The following CCDC7 variants were observed in gnomAD, a reference collection of about 807,000 sequenced individuals.
CCDC7 encodes coiled-coil domain-containing protein 7.
A neutral mutation model predicts 196.9 loss-of-function variants in CCDC7; 183 were observed. That is an observed-to-expected ratio of 0.93 (90% CI 0.82 to 1.05). CCDC7 has a LOEUF of 1.05. Ranked by LOEUF, CCDC7 falls within the 50% of genes least tolerant of loss-of-function variation. CCDC7 has a pLI of 0.00. For synonymous variants in CCDC7, 525 were observed against 484.6 expected (o/e 1.08, Z -1.10); for missense variants, 1,540 against 1,482.2 (o/e 1.04, Z -0.64).
intron 31 of CCDC7, among the ~76,000 whole-genome samples, chr10:32,815,015 T>C (rs911727657): frequency 6.6e-6 from 1 of 151,970 alleles, no homozygotes; most frequent in African/African-American, 2.4e-5. Flanking sequence ...AAAGAGACTT[T>C]AGGAAAATAC....
At chr10:32,464,354 T>C (rs1345271460) in intron 5 of CCDC7, among the ~76,000 whole-genome samples, 1 of 152,210 alleles carries the variant, frequency 6.6e-6, no homozygotes, top group Admixed American at 6.5e-5. Context: ...CAATTCCTGC[T>C]ACCTAACACA....
intron 30 of CCDC7, among the ~76,000 whole-genome samples, chr10:32,813,514 G>A (rs1282301588): frequency 2.6e-5 from 4 of 152,040 alleles, no homozygotes; most frequent in Admixed American, 6.6e-5. Context: ...ATTACATAAC[G>A]TAAAAAGGGG....
At chr10:32,656,529 C>G (rs2069908843) in intron 20 of CCDC7, among the ~76,000 whole-genome samples, 1 of 152,176 alleles carries the variant, frequency 6.6e-6, no homozygotes, top group South Asian at 2.1e-4. Context: ...AAGTGCCAAT[C>G]AAAGGGGGAA....
At chr10:32,828,515 A>AGAAGAGGAAGAGGAAGAGGAAGAG (rs2091691288) in intron 32 of CCDC7, among the ~76,000 whole-genome samples, 1 of 146,016 alleles carries the variant, frequency 6.8e-6, no homozygotes, top group African/African-American at 2.5e-5. Flanking sequence ...AAGAAGAAGA[A>AGAAGAGGAAGAGGAAGAGGAAGAG]GAAGAAGAAG....
rs568762571 is a variant in CCDC7, at chr10:32,759,877, T to A, written c.2906-19100T>A. 2.8e-3 allele frequency among the ~76,000 whole-genome samples: 426 copies of A among 151,934 alleles called. 3 individuals carry two copies. Among genetic ancestry groups the A allele is most frequent in the Admixed American group, 9.6e-3 (147 of 15,264 alleles). On this transcript the variant is annotated intron_variant, in intron 28 of 41. Transcript: ENST00000639629. Reference sequence around the variant, plus strand: ...AAGGGCTAATATCCAGAATCTACAATGAACTCAAACAAATTTGCAAGAAAA... The same window carrying A: ...AAGGGCTAATATCCAGAATCTACAAAGAACTCAAACAAATTTGCAAGAAAA...
intron 20 of CCDC7, among the ~76,000 whole-genome samples, chr10:32,635,720 G>A (rs1374219399): frequency 6.6e-6 from 1 of 150,918 alleles, no homozygotes; most frequent in Non-Finnish European, 1.5e-5. Flanking sequence ...ATTGGTATTT[G>A]CATGATACAT....
At chr10:32,656,762 C>A (rs1437363771) in intron 20 of CCDC7, among the ~76,000 whole-genome samples, 1 of 152,170 alleles carries the variant, frequency 6.6e-6, no homozygotes, top group Admixed American at 6.5e-5. Flanking sequence ...AAAACACAAT[C>A]ATGCCCTTCC....
intron 41 of CCDC7, among the ~76,000 whole-genome samples, chr10:32,871,827 CA>C (rs146638545): frequency 0.34 from 51,643 of 151,380 alleles, 10,993 homozygotes; most frequent in Non-Finnish European, 0.49. Flanking sequence ...TTTCAAAGAA[CA>C]TCTTTATTTC....
At chr10:32,868,386 T>A (rs2094289611) in intron 41 of CCDC7, among the ~76,000 whole-genome samples, 1 of 151,966 alleles carries the variant, frequency 6.6e-6, no homozygotes, top group East Asian at 1.9e-4. Flanking sequence ...CTCATCTGTT[T>A]CTTTAGTTTT....
intron 4 of CCDC7, 44 bp from the exon 6 acceptor site, chr10:32,462,973 G>A (rs2505380): frequency 0.99 from 1,588,052 of 1,611,630 alleles, 784,907 homozygotes; most frequent in East Asian, 1. Flanking sequence ...TGCAATTTAA[G>A]TAGTCACTAT....
chr10:32,783,141 C>T (rs1204205934), intron 29 of CCDC7, among the ~76,000 whole-genome samples: 1 of 151,704 alleles, frequency 6.6e-6, no homozygotes, highest in East Asian at 1.9e-4. Context: ...GCACAGACAA[C>T]AAAAGAAAAA....
chr10:32,484,372 C>A (rs2040577860), intron 8 of CCDC7, among the ~76,000 whole-genome samples: 1 of 152,170 alleles, frequency 6.6e-6, no homozygotes, highest in African/African-American at 2.4e-5. Context: ...GCTGAAGTTG[C>A]TCATCAGCTT....
intron 8 of CCDC7, among the ~76,000 whole-genome samples, chr10:32,485,089 G>A (rs572152021): frequency 8.5e-5 from 13 of 152,326 alleles, no homozygotes; most frequent in Non-Finnish European, 1.9e-4. Flanking sequence ...GCTCCTCCTT[G>A]TACCTCTGGT....
At chr10:32,540,675 G>A (rs990099621) in intron 11 of CCDC7, among the ~76,000 whole-genome samples, 1 of 152,150 alleles carries the variant, frequency 6.6e-6, no homozygotes, top group Non-Finnish European at 1.5e-5. Context: ...TAGGAATGCT[G>A]AATATAGGCT....
intron 18 of CCDC7, among the ~76,000 whole-genome samples, chr10:32,597,887 G>A (rs960622882): frequency 3.9e-5 from 6 of 152,138 alleles, no homozygotes; most frequent in Admixed American, 2.0e-4. Context: ...AGGGGCACCC[G>A]GCCTTATGAG....
intron 20 of CCDC7, among the ~76,000 whole-genome samples, chr10:32,639,855 G>A (rs570732704): frequency 6.6e-6 from 1 of 152,174 alleles, no homozygotes; most frequent in African/African-American, 2.4e-5. Flanking sequence ...CTGACCTCGT[G>A]ATCCGCCTGC....
At chr10:32,854,514 C>T in intron 41 of CCDC7, 25 bp downstream of exon 42, 1 of 1,324,890 alleles carries the variant, frequency 7.5e-7, no homozygotes, top group South Asian at 1.2e-5. Flanking sequence ...ACAATACAGA[C>T]ATATGAAATA....
At position 32,472,544 on chromosome 10, in the gene CCDC7, T is replaced by C. The variant is rs1348332887; in HGVS notation, c.739+2T>C. 2 of 1,566,850 alleles carry C rather than the reference T, an allele frequency of 1.3e-6. No homozygotes were observed. Among genetic ancestry groups the C allele is most frequent in the South Asian group, 1.2e-5 (1 of 80,612 alleles). On this transcript the variant is annotated splice_donor_variant, in intron 7 of 41. Coordinates refer to ENST00000639629, the Ensembl canonical transcript of CCDC7. LOFTEE classifies it high-confidence loss of function. Reference sequence around the variant, plus strand: ...AAGCTCTGGCACAGAAAATTGAAGGTGATAATATTTTATATATGTTTATCC... The same window carrying C: ...AAGCTCTGGCACAGAAAATTGAAGGCGATAATATTTTATATATGTTTATCC...
chr10:32,628,610 A>G (rs2064388573), intron 18 of CCDC7, among the ~76,000 whole-genome samples: 1 of 151,516 alleles, frequency 6.6e-6, no homozygotes, highest in Non-Finnish European at 1.5e-5. Context: ...GAGATCTTTC[A>G]TCTTTTTTGA....
Sources: gnomAD v4.1 joint callset for allele counts (sites outside exome capture counted in the v4.1 genomes callset) on GRCh38, gnomAD v4.1.1 for gene constraint, MANE v1.5 for transcripts, NCBI Gene and HGNC (gene_info 2026-07-23, HGNC 2026-07-21) for gene names.